The following NOC3L variants were observed in gnomAD, a reference collection of about 807,000 sequenced individuals.
The protein encoded by NOC3L is NOC3 like DNA replication regulator.
Under a neutral mutation model 102.5 loss-of-function variants are expected in NOC3L, and 85 were observed. The ratio of observed to expected loss-of-function variants is 0.83; its 90% CI spans 0.70 to 0.99. The LOEUF is 0.99. Among genes scored for constraint, NOC3L ranks in the 50% least tolerant of loss-of-function variants. The pLI is 0.00. For missense variants in NOC3L, 878 were observed against 914.9 expected (o/e 0.96, Z 0.52); for synonymous variants, 303 against 309.4 (o/e 0.98, Z 0.22).
downstream of NOC3L, chr10:94,328,609 C>T (rs956919704): frequency 6.6e-6 from 1 of 152,200 alleles, no homozygotes; most frequent in African/African-American, 2.4e-5. Flanking sequence ...GAAGTTTAGC[C>T]ATACATTTTA....
At chr10:94,343,070 C>T (rs1292497551) in intron 13 of NOC3L, among the ~76,000 whole-genome samples, 1 of 142,174 alleles carries the variant, frequency 7.0e-6, no homozygotes, top group East Asian at 2.0e-4. Context: ...AGCAACAGAG[C>T]AAGACAGTGT....
chr10:94,352,519 AAAAAACG>A, intron 7 of NOC3L, 116 bp from the exon 8 acceptor site: 1 of 672,840 alleles, frequency 1.5e-6, no homozygotes. Flanking sequence ...AACAAAAAAC[AAAAAACG>A]CGGCAGTCGT....
At position 94,337,795 on chromosome 10, in the gene NOC3L, T is replaced by C. The variant is rs1395986976; in HGVS notation, c.2171A>G (p.Lys724Arg). The change falls in exon 19 of 21, where the codon AAA becomes AGA. Residue 724 changes from lysine (K) to arginine (R), a missense_variant. Physicochemically the swap from Lys to Arg is conservative, Grantham distance 26. Coordinates refer to ENST00000371361, the MANE Select transcript of NOC3L (RefSeq NM_022451.11). ...GAPSEGSGAL[K>R]PELSRRSATE... ...ATATTACCTTCGACTCAACTCTGGT[T>C]TGAGTGCTCCAGAGCCTTCAGAAGG... 1 of 1,613,242 alleles carries C rather than the reference T, an allele frequency of 6.2e-7. No individual in the cohort carries two copies. Among genetic ancestry groups the C allele is most frequent in the South Asian group, 1.1e-5 (1 of 91,042 alleles).
rs1353122868 is a variant in NOC3L at position 94,333,599 on chromosome 10, A to T, written c.*578T>A. 6.6e-6 allele frequency: 1 copy of T among 152,192 alleles called. No individual in the cohort carries two copies. The highest frequency in any genetic ancestry group is 1.5e-5 in the Non-Finnish European group (1 of 68,020). 9.4% of individuals were successfully genotyped at this position (152,192 alleles called of 1,614,324 possible). On this transcript the variant is annotated 3_prime_UTR_variant, in exon 21 of 21. Transcript: ENST00000371361. ...TATAATAAACACTAACACCTTTTTT[A>T]AAAGGCCAAATTAGGTAACTTCTTT...
chr10:94,345,926 G>A (rs116942116), intron 11 of NOC3L, among the ~76,000 whole-genome samples: 3 of 151,986 alleles, frequency 2.0e-5, no homozygotes, highest in African/African-American at 4.8e-5. Flanking sequence ...TAACCTGCAC[G>A]ATTACCCTGC....
intron 8 of NOC3L, 73 bp downstream of exon 8, chr10:94,352,236 AG>A (rs2054427839): frequency 1.4e-5 from 15 of 1,037,336 alleles, no homozygotes; most frequent in Non-Finnish European, 2.2e-5. Flanking sequence ...TACACAACAC[AG>A]AACACTGTAC....
rs139178781 is a variant in NOC3L at position 94,349,189 on chromosome 10, C to T, written c.1257+61G>A. 1,113 of 1,538,890 alleles carry T rather than the reference C, an allele frequency of 7.2e-4. 13 individuals carry two copies. In the East Asian group the frequency reaches 0.023, roughly 32 times the overall value. On this transcript the variant is annotated intron_variant, in intron 10 of 20. Coordinates refer to ENST00000371361, the MANE Select transcript of NOC3L (RefSeq NM_022451.11). ...CTTATAAGGAATAAATTCCTCATAA[C>T]AACTGAAAATCAACTTTGTAATTTA...
chr10:94,347,003 C>T (rs892255966), intron 10 of NOC3L, among the ~76,000 whole-genome samples: 2 of 151,966 alleles, frequency 1.3e-5, no homozygotes, highest in Non-Finnish European at 2.9e-5. Context: ...GGTCTGGGGA[C>T]AAAAATAAAA....
chr10:94,327,529 G>A, the NOC3L span, among the ~76,000 whole-genome samples: 287 of 152,298 alleles, frequency 1.9e-3, 1 homozygote, highest in Admixed American at 3.5e-3. Flanking sequence ...AGACAAGAGG[G>A]AGAGAGAGCA....
At chr10:94,351,655 T>C (rs2054420029) in intron 8 of NOC3L, among the ~76,000 whole-genome samples, 1 of 151,902 alleles carries the variant, frequency 6.6e-6, no homozygotes, top group Non-Finnish European at 1.5e-5. Context: ...AGATCTCCAG[T>C]AGCTGGGGCT....
At chr10:94,362,463 A>G (rs1235263803) in intron 1 of NOC3L, among the ~76,000 whole-genome samples, 1 of 152,186 alleles carries the variant, frequency 6.6e-6, no homozygotes, top group Admixed American at 6.5e-5. Flanking sequence ...AACCAGGACA[A>G]ATCACTTGCT....
the NOC3L span, among the ~76,000 whole-genome samples, chr10:94,323,178 T>C: frequency 9.2e-5 from 14 of 152,206 alleles, no homozygotes; most frequent in Non-Finnish European, 1.8e-4. Flanking sequence ...GGAGGCCTAC[T>C]CTGATCCTCT....
chr10:94,317,515 A>C, the NOC3L span, among the ~76,000 whole-genome samples: 1 of 152,198 alleles, frequency 6.6e-6, no homozygotes, highest in Non-Finnish European at 1.5e-5. Context: ...TAGCTAATAG[A>C]AGCTTCCATG....
At chr10:94,318,918 G>A in the NOC3L span, among the ~76,000 whole-genome samples, 3 of 152,116 alleles carry the variant, frequency 2.0e-5, no homozygotes, top group Non-Finnish European at 4.4e-5. Flanking sequence ...CGTGGTAGCA[G>A]GCACCTGTAG....
In NOC3L at chr10:94,355,641, A is replaced by G. The variant is rs142439153; in HGVS notation, c.566-548T>C. On this transcript the variant is annotated intron_variant, in intron 5 of 20. Coordinates refer to ENST00000371361, the MANE Select transcript of NOC3L (RefSeq NM_022451.11). Reference sequence around the variant, plus strand: ...TGGGCTCAAGTGATCCTCCCACCTCAGCATCCCAAAGTGCTGGGATTACAG... The same window carrying G: ...TGGGCTCAAGTGATCCTCCCACCTCGGCATCCCAAAGTGCTGGGATTACAG... Among the ~76,000 whole-genome samples, 1,015 of 152,222 alleles carry G rather than the reference A, an allele frequency of 6.7e-3. 8 individuals carry two copies. The highest frequency in any genetic ancestry group is 0.023 in the African/African-American group (956 of 41,522).
chr10:94,331,544 T>C (rs1253397010), downstream of NOC3L: 1 of 152,220 alleles, frequency 6.6e-6, no homozygotes, highest in Non-Finnish European at 1.5e-5. Context: ...TGATCTTACA[T>C]TGGCAGCCTG....
At chr10:94,334,398 C>G in intron 20 of NOC3L, 93 bp from the exon 21 acceptor site, 1 of 764,254 alleles carries the variant, frequency 1.3e-6, no homozygotes, top group Non-Finnish European at 2.2e-6. Flanking sequence ...ACAGCTGACA[C>G]CAACACATGC....
intron 13 of NOC3L, among the ~76,000 whole-genome samples, chr10:94,343,996 A>G (rs1386903417): frequency 6.6e-6 from 1 of 152,198 alleles, no homozygotes; most frequent in Non-Finnish European, 1.5e-5. Context: ...ATTAGTGTTG[A>G]GTGAATACAC....
At chr10:94,326,449 C>T in the NOC3L span, among the ~76,000 whole-genome samples, 1 of 152,114 alleles carries the variant, frequency 6.6e-6, no homozygotes, top group Non-Finnish European at 1.5e-5. Context: ...TATTGTTTTC[C>T]ATATCCAGAA....
Sources: allele counts gnomAD v4.1 joint callset (sites outside exome capture counted in the v4.1 genomes callset), GRCh38; gene constraint gnomAD v4.1.1; transcripts MANE v1.5; gene names NCBI Gene and HGNC (gene_info 2026-07-23, HGNC 2026-07-21).